Variants in PHF2 observed in about 807,000 individuals in gnomAD.
PHF2 encodes the protein PHD finger protein 2.
Under a neutral mutation model 120.5 loss-of-function variants are expected in PHF2, and 27 were observed. The observed-to-expected ratio is 0.22, with a 90% CI of 0.17 to 0.31. PHF2 has a LOEUF of 0.31. Ranked by LOEUF, PHF2 falls within the 10% of genes least tolerant of loss-of-function variation. PHF2 has a pLI of 1.00. For synonymous variants in PHF2, 568 were observed against 592.5 expected, an observed-to-expected ratio of 0.96 and a Z score of 0.60; for missense variants, 1,024 against 1,434.8, an observed-to-expected ratio of 0.71 and a Z score of 4.63.
intron 3 of PHF2, among the ~76,000 whole-genome samples, chr9:93,638,581 G>A (rs1221456389): frequency 1.3e-5 from 2 of 152,220 alleles, no homozygotes; most frequent in East Asian, 3.9e-4. Context: ...AACTCAATTG[G>A]CCATAGATGT....
chr9:93,615,712 C>T (rs531177020), intron 1 of PHF2, among the ~76,000 whole-genome samples: 1 of 152,306 alleles, frequency 6.6e-6, no homozygotes, highest in Non-Finnish European at 1.5e-5. Flanking sequence ...CTGTTAGCTC[C>T]TTGACACTTG....
intron 17 of PHF2, among the ~76,000 whole-genome samples, chr9:93,668,436 C>T (rs948850837): frequency 6.6e-5 from 10 of 152,122 alleles, no homozygotes; most frequent in Non-Finnish European, 1.2e-4. Flanking sequence ...TGACTGGCCT[C>T]AGGGGCAGGA....
intron 1 of PHF2, among the ~76,000 whole-genome samples, chr9:93,591,510 C>T (rs1219351547): frequency 1.3e-5 from 2 of 152,170 alleles, no homozygotes; most frequent in Non-Finnish European, 1.5e-5. Context: ...TTTTCACAAG[C>T]GGGAAACTGA....
rs1183159193 is a variant in PHF2, at chr9:93,660,389, G to A, written c.1527G>A (p.Pro509=). Reference sequence around the variant, plus strand: ...AGCCATCCAAAATCCCCAAGCCCCCGAAGCCCCCTAAGCCCCCAAGGCCCC... The same window carrying A: ...AGCCATCCAAAATCCCCAAGCCCCCAAAGCCCCCTAAGCCCCCAAGGCCCC... ...MPKPSKIPKP[P]KPPKPPRPPK... The change falls in exon 12 of 22, where the codon CCG becomes CCA. Residue 509 remains proline (P), a synonymous_variant. Coordinates refer to ENST00000359246, the MANE Select transcript of PHF2 (RefSeq NM_005392.4). 8.0e-4 allele frequency: 243 copies of A among 302,894 alleles called. No homozygotes were observed. Among genetic ancestry groups the A allele is most frequent in the Admixed American group, 2.0e-3 (26 of 13,000 alleles). The allele number at this position is 302,894 out of a possible 1,614,324, so 18.8% of individuals were successfully genotyped here.
At chr9:93,658,826 G>A (rs1357570084) in intron 10 of PHF2, among the ~76,000 whole-genome samples, 1 of 152,156 alleles carries the variant, frequency 6.6e-6, no homozygotes, top group Non-Finnish European at 1.5e-5. Context: ...TCTTACCGAT[G>A]ACCATCCTGT....
At chr9:93,636,609 G>A (rs759856091) in intron 3 of PHF2, 84 bp downstream of exon 3, 14 of 1,010,728 alleles carry the variant, frequency 1.4e-5, no homozygotes, top group Non-Finnish European at 1.9e-5. Context: ...ATCCATTGCT[G>A]GGGGCTTCCT....
At chr9:93,616,298 T>C (rs1248994108) in intron 1 of PHF2, among the ~76,000 whole-genome samples, 1 of 152,234 alleles carries the variant, frequency 6.6e-6, no homozygotes. Context: ...AAAATAGATT[T>C]GTCGATGTGG....
At position 93,664,227 on chromosome 9, in the gene PHF2, C is replaced by T. The variant is rs116213197; in HGVS notation, c.1937+592C>T. On this transcript the variant is annotated intron_variant, in intron 14 of 21. Transcript: ENST00000359246. The stretch of plus-strand genomic sequence containing the variant: ...GGACCCTGGGTGCTGAGAACGTGAC[C>T]CACCTGGGAGTCAGGAGGGCCTCCT... Among the ~76,000 whole-genome samples the T allele has an allele frequency of 6.3e-3, 962 of 152,194 alleles. 11 individuals are homozygous for T. Among genetic ancestry groups the T allele is most frequent in the African/African-American group, 0.022 (894 of 41,522 alleles).
At chr9:93,598,491 T>A (rs1206631095) in intron 1 of PHF2, among the ~76,000 whole-genome samples, 1 of 152,106 alleles carries the variant, frequency 6.6e-6, no homozygotes, top group Non-Finnish European at 1.5e-5. Context: ...AAAACAAAGC[T>A]GCCAACCCCC....
chr9:93,608,734 T>C (rs1483467988), intron 1 of PHF2, among the ~76,000 whole-genome samples: 2 of 152,218 alleles, frequency 1.3e-5, no homozygotes, highest in African/African-American at 4.8e-5. Context: ...ATAGTGTTGT[T>C]TCATCCTTTT....
intron 17 of PHF2, chr9:93,672,735 C>T (rs1826829455): frequency 1.0e-6 from 1 of 982,352 alleles, no homozygotes; most frequent in Non-Finnish European, 1.2e-6. Context: ...GGTGTAGATG[C>T]AGGTATGGGT....
intron 5 of PHF2, among the ~76,000 whole-genome samples, chr9:93,651,448 A>G (rs1826368725): frequency 1.3e-5 from 2 of 152,182 alleles, no homozygotes; most frequent in African/African-American, 4.8e-5. Flanking sequence ...CTTACCTACC[A>G]GAGCCTTCAC....
intron 1 of PHF2, among the ~76,000 whole-genome samples, chr9:93,594,503 A>G (rs1564374430): frequency 2.6e-5 from 4 of 152,182 alleles, no homozygotes; most frequent in Admixed American, 2.0e-4. Context: ...CACAGCTGTC[A>G]TCGGGTGTAC....
chr9:93,621,715 T>TC (rs1030201239), intron 1 of PHF2, among the ~76,000 whole-genome samples: 1 of 151,994 alleles, frequency 6.6e-6, no homozygotes, highest in East Asian at 1.9e-4. Context: ...GCCTCGGCCT[T>TC]CCCCCCTGTA....
chr9:93,629,809 C>T (rs1339738532), intron 1 of PHF2, among the ~76,000 whole-genome samples, 161 bp from the exon 2 acceptor site: 1 of 152,208 alleles, frequency 6.6e-6, no homozygotes, highest in Non-Finnish European at 1.5e-5. Flanking sequence ...CTCTTTCCCT[C>T]CACCCTGCTT....
intron 1 of PHF2, 64 bp from the exon 2 acceptor site, chr9:93,629,906 C>G: frequency 6.7e-7 from 1 of 1,501,236 alleles, no homozygotes; most frequent in Non-Finnish European, 9.3e-7. Context: ...TAGAGCTTCG[C>G]AGATGGAAAG....
chr9:93,599,554 C>G (rs866362571), intron 1 of PHF2, among the ~76,000 whole-genome samples: 85 of 152,366 alleles, frequency 5.6e-4, no homozygotes, highest in African/African-American at 2.0e-3. Flanking sequence ...ATGCCACACT[C>G]ACTGCCTGAA....
At chr9:93,605,281 G>C (rs759005673) in intron 1 of PHF2, among the ~76,000 whole-genome samples, 23 of 152,142 alleles carry the variant, frequency 1.5e-4, no homozygotes, top group Non-Finnish European at 2.4e-4. Flanking sequence ...GCAGTGGTGT[G>C]ATTAGAGCTC....
intron 3 of PHF2, among the ~76,000 whole-genome samples, chr9:93,642,745 T>C (rs1826190426): frequency 6.6e-6 from 1 of 152,222 alleles, no homozygotes; most frequent in African/African-American, 2.4e-5. Flanking sequence ...GAGAGTCACA[T>C]GTCAATTCTG....
Sources: gnomAD v4.1 joint callset for allele counts (sites outside exome capture counted in the v4.1 genomes callset) on GRCh38, gnomAD v4.1.1 for gene constraint, MANE v1.5 for transcripts, NCBI Gene and HGNC (gene_info 2026-07-23, HGNC 2026-07-21) for gene names.